TM9SF1: variants seen among roughly 807,000 people sequenced by gnomAD.
TM9SF1 encodes MP70 protein family member.
TM9SF1 carries 25 observed loss-of-function variants against 52.4 expected under a neutral mutation model. That is an observed-to-expected ratio of 0.48 (90% CI 0.35 to 0.67). TM9SF1 has a LOEUF of 0.67. Ranked by LOEUF, TM9SF1 falls within the 30% of genes least tolerant of loss-of-function variation. TM9SF1 has a pLI of 0.01. For synonymous variants in TM9SF1, 284 were observed against 299.8 expected, an observed-to-expected ratio of 0.95 and a Z score of 0.55; for missense variants, 604 against 780.3, an observed-to-expected ratio of 0.77 and a Z score of 2.69.
At chr14:24,193,825 C>A (rs899280865) in intron 2 of TM9SF1, among the ~76,000 whole-genome samples, 9 of 151,416 alleles carry the variant, frequency 5.9e-5, no homozygotes, top group African/African-American at 1.9e-4. Context: ...GAGGCTGAGG[C>A]AGGAGAATGG....
intron 4 of TM9SF1, 83 bp from the exon 5 acceptor site, chr14:24,190,736 G>A (rs2039308442): frequency 1.5e-6 from 2 of 1,323,958 alleles, no homozygotes; most frequent in African/African-American, 1.5e-5. Flanking sequence ...GGACCAAAAG[G>A]GGAGGGGGCT....
chr14:24,191,977 C>T (rs754998107), intron 4 of TM9SF1, 194 bp downstream of exon 4: 32 of 565,854 alleles, frequency 5.7e-5, no homozygotes, highest in South Asian at 9.7e-5. Context: ...CCACCATGCC[C>T]GGCTAATTTT....
chr14:24,190,167 G>T (rs2039295653), intron 5 of TM9SF1: 1 of 1,379,262 alleles, frequency 7.3e-7, no homozygotes, highest in Non-Finnish European at 9.3e-7. Flanking sequence ...GAAGGTGAAG[G>T]GGGAAATGTC....
rs2039305198 is a variant in TM9SF1 at position 24,190,602 on chromosome 14, C to T, written c.1205G>A (p.Gly402Asp). 1 of 1,613,918 alleles carries T rather than the reference C, an allele frequency of 6.2e-7. No individual in the cohort carries two copies. The highest frequency in any genetic ancestry group is 8.5e-7 in the Non-Finnish European group (1 of 1,179,968). Residue 402 changes from glycine (G) to aspartate (D), a missense_variant, in exon 5 of 6, where the codon GGT becomes GAT. This residue lies in a region of TM9SF1 where 450 missense variants were observed against 560.1 expected (regional missense o/e 0.80). Transcript: ENST00000261789. ...TGTGGCTGGCAGAGCCTGTGTCGAA[C>T]CATTGGCCCAATGCACTGAGTTCAC... Reference protein sequence around the residue: ...SVVNSVHWANGSTQALPATTI... With the variant: ...SVVNSVHWANDSTQALPATTI...
intron 2 of TM9SF1, 104 bp downstream of exon 2, chr14:24,194,571 A>T (rs934815806): frequency 5.3e-5 from 61 of 1,140,622 alleles, no homozygotes; most frequent in Non-Finnish European, 7.3e-5. Context: ...TGTAGTTAGA[A>T]TCAAATCAGA....
In TM9SF1 at chr14:24,192,035, C is replaced by T; in HGVS notation, c.1153+136G>A. ...CTATGTTGTCTAGGCTTGTCTCAAACTTTTGGGCTCAAGTGATCCTCCGGC... is the reference window on the plus strand; with the variant it reads ...CTATGTTGTCTAGGCTTGTCTCAAATTTTTGGGCTCAAGTGATCCTCCGGC... On this transcript the variant is annotated intron_variant, in intron 4 of 5. Transcript: ENST00000261789. The surrounding 1 kb of genome is among the most constrained non-coding windows in gnomAD (Gnocchi z 4.0). 1 of 880,534 alleles carries T rather than the reference C, an allele frequency of 1.1e-6. No individual in the cohort carries two copies. Among genetic ancestry groups the T allele is most frequent in the African/African-American group, 1.7e-5 (1 of 60,274 alleles). The allele number at this position is 880,534 out of a possible 1,614,324, so 54.5% of individuals were successfully genotyped here.
At chr14:24,190,288 A>C (rs372829143) in intron 5 of TM9SF1, 92 bp downstream of exon 5, 7 of 1,512,028 alleles carry the variant, frequency 4.6e-6, no homozygotes, top group Non-Finnish European at 6.2e-6. Flanking sequence ...ACCAGGGATC[A>C]ACGGGTTGGG....
chr14:24,192,146 CCA>C lies in TM9SF1; in HGVS notation c.1153+23_1153+24del. ...TCTTCATTCCTAAGTCCAGAAAGGC[CCA>C]CCAGGGAAAGGAAAGTCCTCACCAG... On this transcript the variant is annotated intron_variant, in intron 4 of 5. Transcript: ENST00000261789. The surrounding 1 kb of genome is among the most constrained non-coding windows in gnomAD (Gnocchi z 4.0). 1 of 1,611,838 alleles carries C rather than the reference CCA, an allele frequency of 6.2e-7. No homozygotes were observed. The highest frequency in any genetic ancestry group is 8.5e-7 in the Non-Finnish European group (1 of 1,178,050).
At position 24,194,722 on chromosome 14, in the gene TM9SF1, T is replaced by A. The variant is rs1244522459; in HGVS notation, c.298A>T (p.Asn100Tyr). The A allele has an allele frequency of 4.3e-6, 7 of 1,614,202 alleles. No homozygotes were observed. Among genetic ancestry groups the A allele is most frequent in the Non-Finnish European group, 5.9e-6 (7 of 1,180,006 alleles). The change falls in exon 2 of 6, where the codon AAC (asparagine) becomes TAC (tyrosine). Residue 100 changes from asparagine (N) to tyrosine (Y), a missense_variant. Coordinates refer to ENST00000261789, the MANE Select transcript of TM9SF1 (RefSeq NM_006405.7). ...ESLYEIRFRE[N>Y]VEKRILCHMQ... ...TGGCACAGAATTCTCTTCTCCACGT[T>A]TTCCCGAAAGCGGATCTCATACAAA...
rs753968900 is a variant in TM9SF1, at chr14:24,192,841, C to T, written c.774G>A (p.Met258Ile). 29 of 1,613,566 alleles carry T rather than the reference C, an allele frequency of 1.8e-5. No homozygotes were observed. The South Asian group carries it at 2.7e-4, about 15-fold the overall frequency. The change falls in exon 3 of 6, where the codon ATG becomes ATA. Residue 258 changes from methionine (M) to isoleucine (I), a missense_variant. Around this residue, in one of 3 missense-constraint regions of TM9SF1, gnomAD observed 450 missense variants for 560.1 expected, o/e 0.80. Coordinates refer to ENST00000261789, the MANE Select transcript of TM9SF1 (RefSeq NM_006405.7). This position sits in a 1 kb window ranked among gnomAD's most constrained non-coding sequence, Gnocchi z 4.0. ...GAGCCAGGTCATTCCGAAGCACACG[C>T]ATTAGAATGACAGCCACAAAACCCA... ...LLVGFVAVILMRVLRNDLARY... is the reference protein window; with the variant it reads ...LLVGFVAVILIRVLRNDLARY...
rs1479040332 is a variant in TM9SF1, at chr14:24,189,352, G to A, written c.*63C>T. 5 of 1,510,762 alleles carry A rather than the reference G, an allele frequency of 3.3e-6. No homozygotes were observed. Among genetic ancestry groups the A allele is most frequent in the Non-Finnish European group, 3.6e-6 (4 of 1,122,148 alleles). The allele number at this position is 1,510,762 out of a possible 1,614,324, so 93.6% of individuals were successfully genotyped here. ...ATTCAGTCAATCAGAAGAGAAGCTG[G>A]TAGGAGAGTTCAACAGGGCATGAAG... On this transcript the variant is annotated 3_prime_UTR_variant, in exon 6 of 6. Coordinates refer to ENST00000261789, the MANE Select transcript of TM9SF1 (RefSeq NM_006405.7).
At position 24,189,481 on chromosome 14, in the gene TM9SF1, G is replaced by A. The variant is rs746885044; in HGVS notation, c.1755C>T (p.Gly585=). 1 of 1,614,044 alleles carries A rather than the reference G, an allele frequency of 6.2e-7. No individual in the cohort carries two copies. Among genetic ancestry groups the A allele is most frequent in the African/African-American group, 1.3e-5 (1 of 74,908 alleles). Residue 585 remains glycine (G), a synonymous_variant, in exon 6 of 6, where the codon GGC becomes GGT. Transcript: ENST00000261789. ...LTGYVFFLML[G]TISFFSSLKF... ...TTAGGGAAGAAAAAAAGGAGATGGT[G>A]CCCAGCATGAGGAAGAAGACATAAC... is the stretch of plus-strand genomic sequence containing the variant.
chr14:24,194,671 T>C lies in TM9SF1; in HGVS notation c.345+4A>G. On this transcript the variant is annotated splice_donor_region_variant and intron_variant, in intron 2 of 5. Coordinates refer to ENST00000261789, the MANE Select transcript of TM9SF1 (RefSeq NM_006405.7). ...TACGTGATAGCCAATGTGGAGAGGC[T>C]GACCTGTGCAGAACTGAGCTGCATG... The C allele has an allele frequency of 1.2e-6, 2 of 1,613,082 alleles. No homozygotes were observed. The highest frequency in any genetic ancestry group is 1.7e-6 in the Non-Finnish European group (2 of 1,179,128).
At position 24,194,787 on chromosome 14, in the gene TM9SF1, C is replaced by G. The variant is rs774901922; in HGVS notation, c.233G>C (p.Ser78Thr). 1.2e-6 allele frequency: 2 copies of G among 1,614,096 alleles called. No homozygotes were observed. Among genetic ancestry groups the G allele is most frequent in the African/African-American group, 2.7e-5 (2 of 74,918 alleles). The change falls in exon 2 of 6, where the codon AGC becomes ACC. Residue 78 changes from serine (S) to threonine (T), a missense_variant. Ser to Thr is a moderately conservative substitution (Grantham distance 58). Coordinates refer to ENST00000261789, the MANE Select transcript of TM9SF1 (RefSeq NM_006405.7). ...CPEKIRHKSL[S>T]LGEVLDGDRM... ...GTCCCCATCCAGCACTTCACCCAGGCTAAGGCTTTTGTGACGTATCTTCTC... is the reference window on the plus strand; with the variant it reads ...GTCCCCATCCAGCACTTCACCCAGGGTAAGGCTTTTGTGACGTATCTTCTC...
At position 24,192,776 on chromosome 14, in the gene TM9SF1, C is replaced by T. The variant is rs2039341804; in HGVS notation, c.839G>A (p.Gly280Asp). The T allele has an allele frequency of 6.2e-7, 1 of 1,614,038 alleles. No homozygotes were observed. Among genetic ancestry groups the T allele is most frequent in the Admixed American group, 1.7e-5 (1 of 59,988 alleles). The change falls in exon 3 of 6, where the codon GGT becomes GAT. Residue 280 changes from glycine to aspartate, a missense_variant. Transcript: ENST00000261789. This position sits in a 1 kb window ranked among gnomAD's most constrained non-coding sequence, Gnocchi z 4.0. ...LDEETTSAGS[G>D]DDFDQGDNGW... ...ATTGTCACCCTGGTCAAAGTCATCA[C>T]CAGAACCTGCAGAGGTGGTCTCCTC... is the stretch of plus-strand genomic sequence containing the variant.
At chr14:24,194,294 T>C (rs1446374933) in intron 2 of TM9SF1, among the ~76,000 whole-genome samples, 1 of 152,040 alleles carries the variant, frequency 6.6e-6, no homozygotes, top group African/African-American at 2.4e-5. Flanking sequence ...AGAAAAAGCA[T>C]GACAGGGAAG....
chr14:24,192,709 TG>T lies in TM9SF1; in HGVS notation c.905del (p.Pro302HisfsTer50). Reference protein sequence around the residue: ...IIHTDVFRFPPYRGLLCAVLG... With the variant: ...IIHTDVFRFPXYRGLLCAVLG... ...GCACAGCACAGAGCAGACCACGGTATGGGGGGAAGCGGAAGACATCTGTATG... is the reference window on the plus strand; with the variant it reads ...GCACAGCACAGAGCAGACCACGGTATGGGGGAAGCGGAAGACATCTGTATG... On this transcript the variant is annotated frameshift_variant, in exon 3 of 6. Coordinates refer to ENST00000261789, the MANE Select transcript of TM9SF1 (RefSeq NM_006405.7). LOFTEE classifies it high-confidence loss of function. This position sits in a 1 kb window ranked among gnomAD's most constrained non-coding sequence, Gnocchi z 4.0. 2 of 1,611,490 alleles carry T rather than the reference TG, an allele frequency of 1.2e-6. No individual in the cohort carries two copies. Among genetic ancestry groups the T allele is most frequent in the East Asian group, 2.2e-5 (1 of 44,886 alleles).
rs368677641 is a variant in TM9SF1 at position 24,192,547 on chromosome 14, C to T, written c.967+101G>A. The T allele has an allele frequency of 4.8e-6, 7 of 1,451,344 alleles. No homozygotes were observed. In the South Asian group the frequency reaches 9.4e-5, roughly 20 times the overall value. 89.9% of individuals were successfully genotyped at this position (1,451,344 alleles called of 1,614,324 possible). A position where few individuals can be genotyped will look rare whatever the true frequency, so the allele number is the denominator to read the frequency against. On this transcript the variant is annotated intron_variant, in intron 3 of 5. Coordinates refer to ENST00000261789, the MANE Select transcript of TM9SF1 (RefSeq NM_006405.7). The surrounding 1 kb of genome is among the most constrained non-coding windows in gnomAD (Gnocchi z 4.0). ...GAGCCACCCTATCCCTTAGGTCTGC[C>T]CCTCTGGATAGAAGAGAAGATCCAC... is the stretch of plus-strand genomic sequence containing the variant.
Position 24,190,495 on chromosome 14 carries a change from CGTT to C in TM9SF1, c.1309_1311del (p.Asn437del), listed in dbSNP as rs1208455901. On this transcript the variant is annotated inframe_deletion, in exon 5 of 6. Coordinates refer to ENST00000261789, the MANE Select transcript of TM9SF1 (RefSeq NM_006405.7). ...CGACAGGGTGCATCAAAGGGGCTGG[CGTT>C]GTTCTTCCCAAAGATGCCTCCAATG... 1 of 1,614,128 alleles carries C rather than the reference CGTT, an allele frequency of 6.2e-7. No homozygotes were observed. Among genetic ancestry groups the C allele is most frequent in the Non-Finnish European group, 8.5e-7 (1 of 1,180,020 alleles).
Sources: allele counts gnomAD v4.1 joint callset (sites outside exome capture counted in the v4.1 genomes callset), GRCh38; gene constraint gnomAD v4.1.1; regional missense constraint gnomAD v4.1.1; non-coding constraint Gnocchi (gnomAD v3.1); transcripts MANE v1.5; gene names NCBI Gene and HGNC (gene_info 2026-07-23, HGNC 2026-07-21).